Variants in TAFA2 observed in about 807,000 individuals in gnomAD.
The protein encoded by TAFA2 is TAFA chemokine like family member 2.
In TAFA2, 7 loss-of-function variants were observed where a neutral mutation model predicts 18.8. The observed-to-expected ratio is 0.37, with a 90% CI of 0.21 to 0.70. The LOEUF is 0.70. TAFA2 is among the 30% of genes least tolerant of loss of function. The pLI is 0.53. For synonymous variants in TAFA2, 60 were observed against 54.2 expected, an observed-to-expected ratio of 1.11 and a Z score of -0.47; for missense variants, 122 against 158.1, an observed-to-expected ratio of 0.77 and a Z score of 1.23.
At chr12:62,190,016 T>C (rs1374560245) in intron 1 of TAFA2, among the ~76,000 whole-genome samples, 1 of 151,398 alleles carries the variant, frequency 6.6e-6, no homozygotes, top group African/African-American at 2.4e-5. Context: ...CACGAACCAT[T>C]TTGTAAAATC....
chr12:61,880,005 A>T (rs913739810), intron 1 of TAFA2: 5 of 771,758 alleles, frequency 6.5e-6, no homozygotes, highest in African/African-American at 1.7e-5. Context: ...AGGCAGCTGC[A>T]TGAAGAGGAG....
Position 61,905,583 on chromosome 12 carries a change from A to G in TAFA2, c.-1-38157T>C, listed in dbSNP as rs74096108. Among the ~76,000 whole-genome samples the G allele has an allele frequency of 7.7e-3, 1,179 of 152,340 alleles. 11 individuals carry two copies. Among genetic ancestry groups the G allele is most frequent in the African/African-American group, 0.027 (1,138 of 41,582 alleles). Reference sequence around the variant, plus strand: ...AAGTTCTAAATAAATGTACATAATTAGCATGACCAGATAATCTCAATATCA... The same window carrying G: ...AAGTTCTAAATAAATGTACATAATTGGCATGACCAGATAATCTCAATATCA... On this transcript the variant is annotated intron_variant, in intron 1 of 4. Transcript: ENST00000416284.
intron 1 of TAFA2, among the ~76,000 whole-genome samples, chr12:62,183,215 C>T (rs1290365990): frequency 6.6e-6 from 1 of 152,156 alleles, no homozygotes; most frequent in African/African-American, 2.4e-5. Context: ...TTCCCCCACC[C>T]CACAACCACC....
At chr12:62,176,473 T>A (rs1049636404) in intron 1 of TAFA2, among the ~76,000 whole-genome samples, 1 of 152,174 alleles carries the variant, frequency 6.6e-6, no homozygotes, top group Non-Finnish European at 1.5e-5. Context: ...AAGGTAAATG[T>A]AATCGTACAT....
chr12:62,058,194 C>T (rs544425763), intron 1 of TAFA2, among the ~76,000 whole-genome samples: 1 of 152,262 alleles, frequency 6.6e-6, no homozygotes, highest in South Asian at 2.1e-4. Flanking sequence ...TCTGTCTTTA[C>T]TGTGGAGCTG....
At chr12:61,746,762 T>C (rs1015281556) in intron 4 of TAFA2, among the ~76,000 whole-genome samples, 2 of 152,162 alleles carry the variant, frequency 1.3e-5, no homozygotes, top group Non-Finnish European at 2.9e-5. Flanking sequence ...TTTTGTTTTG[T>C]TTTGTTTTCA....
intron 1 of TAFA2, among the ~76,000 whole-genome samples, chr12:62,145,854 A>C (rs1181030904): frequency 6.6e-6 from 1 of 151,660 alleles, no homozygotes; most frequent in Non-Finnish European, 1.5e-5. Context: ...TGTGCTATCA[A>C]CTCCTATCCC....
intron 4 of TAFA2, among the ~76,000 whole-genome samples, chr12:61,736,701 G>T (rs1868310239): frequency 6.6e-6 from 1 of 151,802 alleles, no homozygotes; most frequent in Non-Finnish European, 1.5e-5. Flanking sequence ...TCCTACTATG[G>T]ACAATAAATT....
chr12:61,919,654 C>A (rs1565681280), intron 1 of TAFA2, among the ~76,000 whole-genome samples: 1 of 151,336 alleles, frequency 6.6e-6, no homozygotes, highest in African/African-American at 2.4e-5. Context: ...TACTGTATAT[C>A]TATTTTATAT....
chr12:62,010,917 CTT>C lies in TAFA2; in HGVS notation c.-1-143493_-1-143492del, dbSNP rs1189878858. On this transcript the variant is annotated intron_variant, in intron 1 of 4. Coordinates refer to ENST00000416284, the MANE Select transcript of TAFA2 (RefSeq NM_178539.5). Reference sequence around the variant, plus strand: ...TGGGGAGCGCCTCTGCCCGGCCGCCCTTCGTCTGGGAGGTGGGGAGCGCCTCT... The same window carrying C: ...TGGGGAGCGCCTCTGCCCGGCCGCCCCGTCTGGGAGGTGGGGAGCGCCTCT... Among the ~76,000 whole-genome samples, 405 of 110,944 alleles carry C rather than the reference CTT, an allele frequency of 3.7e-3. 7 individuals carry two copies. Among genetic ancestry groups the C allele is most frequent in the Middle Eastern group, 5.1e-3 (1 of 196 alleles). 72.8% of individuals were successfully genotyped at this position (110,944 alleles called of 152,430 possible).
At chr12:62,143,682 C>T (rs2062256546) in intron 1 of TAFA2, among the ~76,000 whole-genome samples, 1 of 152,070 alleles carries the variant, frequency 6.6e-6, no homozygotes, top group African/African-American at 2.4e-5. Context: ...CCCCCCACAA[C>T]CTTATTAACC....
intron 1 of TAFA2, among the ~76,000 whole-genome samples, chr12:62,142,237 G>A (rs1340394258): frequency 1.3e-5 from 2 of 152,156 alleles, no homozygotes; most frequent in Non-Finnish European, 2.9e-5. Flanking sequence ...TGAGCCTGGT[G>A]TAGTGCCCAC....
chr12:61,737,848 T>C (rs1286656006), intron 4 of TAFA2, among the ~76,000 whole-genome samples: 1 of 152,054 alleles, frequency 6.6e-6, no homozygotes. Flanking sequence ...TATTTCTAGC[T>C]CTTTAATACT....
intron 1 of TAFA2, among the ~76,000 whole-genome samples, chr12:61,919,441 G>A (rs941156662): frequency 2.0e-5 from 3 of 152,104 alleles, no homozygotes; most frequent in Admixed American, 6.6e-5. Context: ...AAGCTTCAGT[G>A]ATTTTGTGGA....
chr12:62,237,236 G>A (rs932400265), intron 1 of TAFA2, among the ~76,000 whole-genome samples: 3 of 152,118 alleles, frequency 2.0e-5, no homozygotes, highest in South Asian at 4.1e-4. Context: ...CGCCGGGCGC[G>A]GTGGCTCACG....
rs1478180661 is a variant in TAFA2, at chr12:61,974,749, TC to T, written c.-1-107324del. Among the ~76,000 whole-genome samples the T allele has an allele frequency of 2.0e-5, 3 of 151,874 alleles. No homozygotes were observed. The East Asian group carries it at 5.8e-4, about 30-fold the overall frequency. ...GGGACACTACTATTTAAATTATTAATCAATCAGTTTCCTTTGGTAGAAAAAT... is the reference window on the plus strand; with the variant it reads ...GGGACACTACTATTTAAATTATTAATAATCAGTTTCCTTTGGTAGAAAAAT... On this transcript the variant is annotated intron_variant, in intron 1 of 4. Transcript: ENST00000416284.
intron 1 of TAFA2, among the ~76,000 whole-genome samples, chr12:62,022,956 C>T (rs1405707306): frequency 2.0e-5 from 3 of 152,116 alleles, no homozygotes; most frequent in Non-Finnish European, 4.4e-5. Context: ...CCCCCTCTGC[C>T]TAGGATTATA....
At chr12:61,862,074 C>T (rs67925612) in intron 2 of TAFA2, among the ~76,000 whole-genome samples, 42,705 of 151,864 alleles carry the variant, frequency 0.28, 6,513 homozygotes, top group South Asian at 0.39. Flanking sequence ...CTCCAGAAAT[C>T]TAGTTTGGAT....
chr12:61,988,170 A>G (rs1879880635), intron 1 of TAFA2, among the ~76,000 whole-genome samples: 1 of 152,178 alleles, frequency 6.6e-6, no homozygotes, highest in South Asian at 2.1e-4. Flanking sequence ...CAATGGGAGG[A>G]TGCCTTTCTC....
Sources: gnomAD v4.1 joint callset for allele counts (sites outside exome capture counted in the v4.1 genomes callset) on GRCh38, gnomAD v4.1.1 for gene constraint, MANE v1.5 for transcripts, NCBI Gene and HGNC (gene_info 2026-07-23, HGNC 2026-07-21) for gene names.